The following SMG1 variants were observed in gnomAD, a reference collection of about 807,000 sequenced individuals.
SMG1 encodes serine/threonine-protein kinase SMG1.
A neutral mutation model predicts 419.9 loss-of-function variants in SMG1; 22 were observed. That is an observed-to-expected ratio of 0.05 (90% CI 0.04 to 0.07). The LOEUF is 0.07. SMG1 is among the 10% of genes least tolerant of loss of function. The pLI is 1.00. For missense variants in SMG1, 3,185 were observed against 4,342.0 expected, an observed-to-expected ratio of 0.73 and a Z score of 7.49; for synonymous variants, 1,538 against 1,553.5, an observed-to-expected ratio of 0.99 and a Z score of 0.23.
chr16:18,838,756 G>T, intron 42 of SMG1, 67 bp from the exon 43 acceptor site: 4 of 1,019,140 alleles, frequency 3.9e-6, no homozygotes, highest in Non-Finnish European at 5.9e-6. Context: ...ACATGGACGT[G>T]ATACTATAAA....
At chr16:18,892,064 CT>C in intron 4 of SMG1, among the ~76,000 whole-genome samples, 153 bp downstream of exon 4, 1 of 152,298 alleles carries the variant, frequency 6.6e-6, no homozygotes, top group South Asian at 2.1e-4. Flanking sequence ...AAGATCTTGT[CT>C]TTAAGAAGAA....
chr16:18,860,733 C>T lies in SMG1; in HGVS notation c.3739G>A (p.Glu1247Lys), dbSNP rs553381361. 20 of 1,551,172 alleles carry T rather than the reference C, an allele frequency of 1.3e-5. No individual in the cohort carries two copies. The South Asian group carries it at 1.7e-4, about 13-fold the overall frequency. The stretch of plus-strand genomic sequence containing the variant: ...TCTCCTGGTAACAATTCTAACTGCT[C>T]GGTACATTCAACAAATTTTCCAGAC... Reference protein sequence around the residue: ...FESGKFVECTEQLELLPGENI... With the variant: ...FESGKFVECTKQLELLPGENI... The change falls in exon 26 of 63, where the codon GAG becomes AAG. Residue 1247 changes from glutamate to lysine, a missense_variant. Physicochemically the swap from Glu to Lys is moderately conservative, Grantham distance 56. Coordinates refer to ENST00000446231, the MANE Select transcript of SMG1 (RefSeq NM_015092.5).
In SMG1 at chr16:18,819,663, G is replaced by C. The variant is rs769962413; in HGVS notation, c.9742-9C>G. On this transcript the variant is annotated splice_polypyrimidine_tract_variant and intron_variant, in intron 55 of 62. Coordinates refer to ENST00000446231, the MANE Select transcript of SMG1 (RefSeq NM_015092.5). ...AGTGCAGCTAGCTTCTCCTATAAAA[G>C]CCAGCAGAATCTTGGTGAAGGTATA... 1.3e-6 allele frequency: 2 copies of C among 1,543,956 alleles called. No individual in the cohort carries two copies. The highest frequency in any genetic ancestry group is 2.1e-5 in the Admixed American group (1 of 47,832).
chr16:18,869,093 G>C lies in SMG1; in HGVS notation c.2833+11C>G, dbSNP rs566685338. On this transcript the variant is annotated intron_variant, in intron 20 of 62. Transcript: ENST00000446231. ...TGAAAGTATTCACATCACAAAGCTT[G>C]AGTGAGTTACCTTCAATTGTCTGGA... is the stretch of plus-strand genomic sequence containing the variant. 4 of 1,606,342 alleles carry C rather than the reference G, an allele frequency of 2.5e-6. No homozygotes were observed. The highest frequency in any genetic ancestry group is 1.3e-5 in the African/African-American group (1 of 74,822).
chr16:18,853,712 A>G lies in SMG1; in HGVS notation c.4639T>C (p.Tyr1547His), dbSNP rs751486902. 6.2e-6 allele frequency: 10 copies of G among 1,613,944 alleles called. No individual in the cohort carries two copies. Among genetic ancestry groups the G allele is most frequent in the African/African-American group, 1.3e-5 (1 of 75,058 alleles). The change falls in exon 31 of 63, where the codon TAC becomes CAC. Residue 1547 changes from tyrosine (Y) to histidine (H), a missense_variant. Tyr to His is a moderately conservative substitution (Grantham distance 83). This residue lies in a region of SMG1 where 493 missense variants were observed against 552.9 expected (regional missense o/e 0.89). Transcript: ENST00000446231. ...KEISGQLKQV[Y>H]RAQHQQNFTG... ...AAGTTCTGTTGGTGCTGAGCTCTGT[A>G]AACCTGTTTCAGCTGTCCTGAAATC... is the stretch of plus-strand genomic sequence containing the variant.
rs1037452614 is a variant in SMG1, at chr16:18,817,171, C to G, written c.10074+120G>C. The G allele has an allele frequency of 5.1e-6, 4 of 776,748 alleles. No homozygotes were observed. The African/African-American group carries it at 7.3e-5, about 14-fold the overall frequency. The allele number at this position is 776,748 out of a possible 1,614,324, so 48.1% of individuals were successfully genotyped here. On this transcript the variant is annotated intron_variant, in intron 57 of 62. Transcript: ENST00000446231. ...TAATCATCACTGTCCCCCCGCCCCC[C>G]TAACAACCTCTTACATACAGTATAT...
At chr16:18,812,647 T>C (rs866693070) in intron 60 of SMG1, among the ~76,000 whole-genome samples, 5 of 127,758 alleles carry the variant, frequency 3.9e-5, no homozygotes, top group South Asian at 4.5e-4. Flanking sequence ...TATACACATA[T>C]ACACACACAC....
At chr16:18,816,224 G>A in intron 58 of SMG1, 78 bp downstream of exon 58, 4 of 1,124,760 alleles carry the variant, frequency 3.6e-6, no homozygotes, top group Non-Finnish European at 5.0e-6. Context: ...AAATGTCACT[G>A]TTTTTCCTAT....
At position 18,872,249 on chromosome 16, in the gene SMG1, A is replaced by G; in HGVS notation, c.2118T>C (p.His706=). The G allele has an allele frequency of 1.9e-6, 3 of 1,592,792 alleles. No homozygotes were observed. Among genetic ancestry groups the G allele is most frequent in the Non-Finnish European group, 2.6e-6 (3 of 1,165,074 alleles). The change falls in exon 15 of 63, where the codon CAT becomes CAC. Residue 706 remains histidine (H), a synonymous_variant. Transcript: ENST00000446231. The part of the protein sequence containing the change: ...ISTVTTATKK[H]FSIILNLLGI... ...CCAGAAGATTTAATATAATTGAGAA[A>G]TGTTTCTTTGTAGCCGTAGTTACAG...
chr16:18,882,112 G>A lies in SMG1; in HGVS notation c.1293+53C>T, dbSNP rs868384338. On this transcript the variant is annotated intron_variant, in intron 10 of 62. Coordinates refer to ENST00000446231, the MANE Select transcript of SMG1 (RefSeq NM_015092.5). ...CACCAGGTAAAGAGAAGCATTTACAGTGTAAAACAATTTTATTTTTGAATG... is the reference window on the plus strand; with the variant it reads ...CACCAGGTAAAGAGAAGCATTTACAATGTAAAACAATTTTATTTTTGAATG... The A allele has an allele frequency of 9.1e-6, 12 of 1,317,568 alleles. No homozygotes were observed. The African/African-American group carries it at 1.2e-4, about 13-fold the overall frequency. 81.6% of individuals were successfully genotyped at this position (1,317,568 alleles called of 1,614,324 possible).
intron 1 of SMG1, among the ~76,000 whole-genome samples, chr16:18,903,185 G>A (rs997588008): frequency 1.3e-5 from 2 of 152,082 alleles, no homozygotes; most frequent in Admixed American, 6.6e-5. Flanking sequence ...CTTCAGTGTT[G>A]CTTATTTTCC....
At chr16:18,883,203 CAAAG>C (rs1567421478) in intron 9 of SMG1, among the ~76,000 whole-genome samples, 1 of 152,114 alleles carries the variant, frequency 6.6e-6, no homozygotes, top group Non-Finnish European at 1.5e-5. Flanking sequence ...GGGAGAAACA[CAAAG>C]AGATTCAGAT....
At chr16:18,871,952 C>A (rs965694777) in intron 15 of SMG1, among the ~76,000 whole-genome samples, 1 of 151,146 alleles carries the variant, frequency 6.6e-6, no homozygotes, top group Non-Finnish European at 1.5e-5. Flanking sequence ...CTATGAAACA[C>A]TGGGGGGTGG....
chr16:18,817,217 A>G (rs2032094225), intron 57 of SMG1, 74 bp downstream of exon 57: 1 of 1,285,650 alleles, frequency 7.8e-7, no homozygotes, highest in East Asian at 2.7e-5. Flanking sequence ...TGTAATCGGA[A>G]TGTATATATT....
intron 8 of SMG1, 44 bp from the exon 9 acceptor site, chr16:18,884,211 A>G (rs541574108): frequency 8.1e-6 from 8 of 985,692 alleles, no homozygotes; most frequent in African/African-American, 5.0e-5. Flanking sequence ...GGGGGAAAAA[A>G]ACACCAAAAA....
intron 48 of SMG1, 143 bp downstream of exon 48, chr16:18,835,790 T>A: frequency 1.3e-6 from 1 of 765,130 alleles, no homozygotes; most frequent in South Asian, 1.8e-5. Context: ...TCCCAGCTAC[T>A]CTGGAGGCTG....
rs760926492 is a variant in SMG1, at chr16:18,817,305, A to T, written c.10060T>A (p.Leu3354Ile). 6.2e-7 allele frequency: 1 copy of T among 1,611,058 alleles called. No homozygotes were observed. ...NSSVSELELR[L>I]LQRVDTGLEH... is the part of the protein sequence containing the mutation. ...CCAAGACTCACCACTCTCTGTAATA[A>T]ACGAAGCTCTAACTCAGACACTGAA... Residue 3354 changes from leucine to isoleucine, a missense_variant, in exon 57 of 63, where the codon TTA becomes ATA. Transcript: ENST00000446231.
At chr16:18,832,000 T>C (rs1477632831) in intron 51 of SMG1, among the ~76,000 whole-genome samples, 1 of 152,036 alleles carries the variant, frequency 6.6e-6, no homozygotes, top group Non-Finnish European at 1.5e-5. Flanking sequence ...ATTATTAATA[T>C]TTAAGAATGA....
At chr16:18,867,898 C>T (rs1480526403) in intron 22 of SMG1, among the ~76,000 whole-genome samples, 5 of 151,394 alleles carry the variant, frequency 3.3e-5, no homozygotes, top group South Asian at 4.2e-4. Context: ...TTAGTAGAGG[C>T]GGGGTTTCAC....
Sources: allele counts gnomAD v4.1 joint callset (sites outside exome capture counted in the v4.1 genomes callset), GRCh38; gene constraint gnomAD v4.1.1; regional missense constraint gnomAD v4.1.1; transcripts MANE v1.5; gene names NCBI Gene and HGNC (gene_info 2026-07-23, HGNC 2026-07-21).